Variants in NAALADL2 observed in about 807,000 individuals in gnomAD.
NAALADL2 encodes the protein N-acetylated alpha-linked acidic dipeptidase like 2, also known as inactive N-acetylated-alpha-linked acidic dipeptidase-like protein 2.
Under a neutral mutation model 87.2 loss-of-function variants are expected in NAALADL2, and 76 were observed. The observed-to-expected ratio is 0.87, with a 90% CI of 0.72 to 1.05. The LOEUF is 1.05. Among genes scored for constraint, NAALADL2 ranks in the 50% least tolerant of loss-of-function variants. NAALADL2 has a pLI of 0.00. For synonymous variants in NAALADL2, 354 were observed against 331.0 expected (o/e 1.07, Z -0.75); for missense variants, 1,089 against 945.8 (o/e 1.15, Z -1.99).
At chr3:174,892,482 C>T (rs181506803) in intron 1 of NAALADL2, among the ~76,000 whole-genome samples, 8 of 151,828 alleles carry the variant, frequency 5.3e-5, no homozygotes, top group South Asian at 2.1e-4. Flanking sequence ...TACATCTGTA[C>T]GATCTAGAAA....
intron 1 of NAALADL2, among the ~76,000 whole-genome samples, chr3:174,909,482 G>C (rs1733403451): frequency 6.6e-6 from 1 of 152,044 alleles, no homozygotes; most frequent in African/African-American, 2.4e-5. Context: ...AGTCCTTTGA[G>C]GTAGATACTA....
intron 2 of NAALADL2, among the ~76,000 whole-genome samples, chr3:174,573,409 A>G (rs1355703058): frequency 1.3e-5 from 2 of 152,206 alleles, no homozygotes; most frequent in Admixed American, 6.5e-5. Flanking sequence ...CTGAGACTAA[A>G]GGTGTCCACC....
chr3:174,923,501 A>G (rs1735540704), intron 1 of NAALADL2, among the ~76,000 whole-genome samples: 1 of 152,198 alleles, frequency 6.6e-6, no homozygotes, highest in Admixed American at 6.5e-5. Context: ...ACAAAATAGT[A>G]ATGAATTTTA....
At chr3:175,184,823 A>G (rs1737088588) in intron 2 of NAALADL2, among the ~76,000 whole-genome samples, 1 of 152,120 alleles carries the variant, frequency 6.6e-6, no homozygotes, top group Non-Finnish European at 1.5e-5. Flanking sequence ...TCTCTTGAAC[A>G]AGGCAAGGAT....
chr3:175,485,718 C>CA (rs1727163780), intron 9 of NAALADL2, among the ~76,000 whole-genome samples: 4 of 152,150 alleles, frequency 2.6e-5, no homozygotes, highest in Non-Finnish European at 5.9e-5. Flanking sequence ...CTGGATGGTG[C>CA]CCATCCAGAT....
Position 175,132,081 on chromosome 3 carries a change from G to C in NAALADL2, c.545+34790G>C, listed in dbSNP as rs866637132. Reference sequence around the variant, plus strand: ...TCCCAGTAGGGGCGGCTGGCCAGGCGGGGGGCTGATTCCACCACCTCCCGC... The same window carrying C: ...TCCCAGTAGGGGCGGCTGGCCAGGCCGGGGGCTGATTCCACCACCTCCCGC... On this transcript the variant is annotated intron_variant, in intron 2 of 13. Coordinates refer to ENST00000454872, the MANE Select transcript of NAALADL2 (RefSeq NM_207015.3). Among the ~76,000 whole-genome samples, 142 of 137,462 alleles carry C rather than the reference G, an allele frequency of 1.0e-3. 7 individuals carry two copies. Among genetic ancestry groups the C allele is most frequent in the African/African-American group, 3.8e-3 (135 of 35,236 alleles). The allele number at this position is 137,462 out of a possible 152,430, so 90.2% of individuals were successfully genotyped here.
chr3:175,349,441 A>C (rs1322916538), intron 5 of NAALADL2, among the ~76,000 whole-genome samples: 3 of 152,184 alleles, frequency 2.0e-5, no homozygotes, highest in Non-Finnish European at 4.4e-5. Context: ...GAAATGAGGC[A>C]TAAAGCTTTA....
At chr3:175,051,593 A>T (rs1052282476) in intron 1 of NAALADL2, among the ~76,000 whole-genome samples, 1 of 152,220 alleles carries the variant, frequency 6.6e-6, no homozygotes, top group Non-Finnish European at 1.5e-5. Context: ...TCTCTCGATC[A>T]GTTAGCTAAG....
rs374854087 is a variant in NAALADL2, at chr3:174,849,282, C to A, written c.-9+111536C>A. On this transcript the variant is annotated intron_variant, in intron 3 of 3. Coordinates refer to the NAALADL2 transcript ENST00000434257. ...GACTCTATCTTTTATACTTTACAAA[C>A]TTTTTATTATTTTCTTATTGATTCT... Among the ~76,000 whole-genome samples the A allele has an allele frequency of 4.1e-4, 63 of 152,222 alleles. 1 individual carries two copies. In the East Asian group the frequency reaches 0.01, roughly 25 times the overall value.
At chr3:174,937,322 T>G (rs543439050) in intron 1 of NAALADL2, among the ~76,000 whole-genome samples, 3 of 152,132 alleles carry the variant, frequency 2.0e-5, no homozygotes, top group South Asian at 2.1e-4. Flanking sequence ...AACAGTACCA[T>G]AACAGGGTAA....
At chr3:174,565,939 T>C (rs191962984) in intron 2 of NAALADL2, among the ~76,000 whole-genome samples, 60 of 152,132 alleles carry the variant, frequency 3.9e-4, no homozygotes, top group African/African-American at 1.4e-3. Flanking sequence ...TTATTTTGAC[T>C]ATTGTTATTT....
chr3:175,794,044 G>A (rs559013237), intron 13 of NAALADL2, among the ~76,000 whole-genome samples: 1 of 152,076 alleles, frequency 6.6e-6, no homozygotes, highest in South Asian at 2.1e-4. Flanking sequence ...ATTTTGTTTC[G>A]TTTTGTGACC....
chr3:174,940,564 T>C (rs1377567942), intron 1 of NAALADL2, among the ~76,000 whole-genome samples: 3 of 152,034 alleles, frequency 2.0e-5, no homozygotes, highest in Non-Finnish European at 4.4e-5. Context: ...TCAATTTTTT[T>C]TTGGAATGGT....
intron 1 of NAALADL2, among the ~76,000 whole-genome samples, chr3:174,907,951 G>T (rs1733165409): frequency 6.7e-6 from 1 of 148,624 alleles, no homozygotes; most frequent in Admixed American, 6.7e-5. Context: ...GAAAGTATCA[G>T]TTGCTTTCCA....
At chr3:175,241,855 ATTTTTTT>A (rs779567135) in intron 3 of NAALADL2, among the ~76,000 whole-genome samples, 2 of 83,812 alleles carry the variant, frequency 2.4e-5, no homozygotes, top group Non-Finnish European at 4.3e-5. Context: ...TGGATGCTGA[ATTTTTTT>A]TTTTTTTTTT....
At chr3:175,184,447 A>G (rs1560132933) in intron 2 of NAALADL2, among the ~76,000 whole-genome samples, 2 of 152,184 alleles carry the variant, frequency 1.3e-5, no homozygotes, top group Admixed American at 6.6e-5. Context: ...TATTTAGTAC[A>G]TTAATTAATT....
At chr3:174,892,754 T>A (rs1731014803) in intron 1 of NAALADL2, among the ~76,000 whole-genome samples, 1 of 151,880 alleles carries the variant, frequency 6.6e-6, no homozygotes, top group Admixed American at 6.6e-5. Flanking sequence ...TGAAACCCCA[T>A]CTGTACTAAA....
At chr3:174,973,985 A>G (rs1451392414) in intron 1 of NAALADL2, among the ~76,000 whole-genome samples, 2 of 152,230 alleles carry the variant, frequency 1.3e-5, no homozygotes, top group African/African-American at 4.8e-5. Flanking sequence ...ACCTGTATCT[A>G]TGTAAATTGG....
At chr3:174,694,505 A>G (rs1728852986) in intron 2 of NAALADL2, among the ~76,000 whole-genome samples, 1 of 152,086 alleles carries the variant, frequency 6.6e-6, no homozygotes, top group South Asian at 2.1e-4. Flanking sequence ...TTCAGAATGA[A>G]TGTTGAATAA....
Sources: gnomAD v4.1 joint callset for allele counts (sites outside exome capture counted in the v4.1 genomes callset) on GRCh38, gnomAD v4.1.1 for gene constraint, MANE v1.5 for transcripts, NCBI Gene and HGNC (gene_info 2026-07-23, HGNC 2026-07-21) for gene names.